The following RELT variants were observed in gnomAD, a reference collection of about 807,000 sequenced individuals.
RELT encodes RELT TNF receptor.
In RELT, 37 loss-of-function variants were observed where a neutral mutation model predicts 51.1. The ratio of observed to expected loss-of-function variants is 0.72; its 90% CI spans 0.56 to 0.95. RELT has a LOEUF of 0.95. RELT is among the 40% of genes least tolerant of loss of function. RELT has a pLI of 0.00. For synonymous variants in RELT, 241 were observed against 235.7 expected, an observed-to-expected ratio of 1.02 and a Z score of -0.21; for missense variants, 535 against 572.6, an observed-to-expected ratio of 0.93 and a Z score of 0.67.
intron 1 of RELT, among the ~76,000 whole-genome samples, chr11:73,378,435 T>C (rs1443327859): frequency 6.6e-6 from 1 of 152,230 alleles, no homozygotes; most frequent in African/African-American, 2.4e-5. Flanking sequence ...ATGTAGTGAC[T>C]GTGTTTCAGA....
chr11:73,390,832 G>A lies in RELT; in HGVS notation c.198G>A (p.Gln66=). 1 of 1,612,684 alleles carries A rather than the reference G, an allele frequency of 6.2e-7. No homozygotes were observed. Among genetic ancestry groups the A allele is most frequent in the Non-Finnish European group, 8.5e-7 (1 of 1,179,744 alleles). Residue 66 remains glutamine, a synonymous_variant, in exon 4 of 11, where the codon CAG becomes CAA. Transcript: ENST00000064780. Reference sequence around the variant, plus strand: ...CTGCATGGGGCTCCAGCCCATGCCAGCCCCATGCCCGTTGCAGCCTTTGGA... The same window carrying A: ...CTGCATGGGGCTCCAGCCCATGCCAACCCCATGCCCGTTGCAGCCTTTGGA... ...FSAAWGSSPC[Q]PHARCSLWRR...
intron 1 of RELT, chr11:73,384,646 G>A: frequency 6.6e-6 from 1 of 152,470 alleles, no homozygotes; most frequent in Non-Finnish European, 1.5e-5. Flanking sequence ...TCAGATCTGG[G>A]TTCTGACCCA....
chr11:73,378,299 T>C (rs1430771251), intron 1 of RELT, among the ~76,000 whole-genome samples: 1 of 151,550 alleles, frequency 6.6e-6, no homozygotes, highest in Non-Finnish European at 1.5e-5. Context: ...TTCTGTCTTC[T>C]GCTGTCGTCC....
chr11:73,381,564 G>A (rs1458227005), intron 1 of RELT, among the ~76,000 whole-genome samples: 4 of 152,194 alleles, frequency 2.6e-5, no homozygotes, highest in African/African-American at 9.6e-5. Flanking sequence ...TGACAGGGAG[G>A]CTGGGGAGGC....
In RELT at chr11:73,393,901, G is replaced by A; in HGVS notation, c.690G>A (p.Leu230=). Residue 230 remains leucine, a synonymous_variant, in exon 7 of 11, where the codon TTG becomes TTA. Transcript: ENST00000064780. ...ACACCATTGGGGTCCTGGTGCGCTT[G>A]ATCACAGAGAAGAAAGGTGAGGAGA... ...NEDTIGVLVR[L]ITEKKENAAA... The A allele has an allele frequency of 7.4e-6, 12 of 1,613,992 alleles. No homozygotes were observed. Among genetic ancestry groups the A allele is most frequent in the Non-Finnish European group, 1.0e-5 (12 of 1,179,942 alleles).
intron 6 of RELT, 129 bp downstream of exon 6, chr11:73,392,597 G>A: frequency 7.1e-7 from 1 of 1,413,920 alleles, no homozygotes; most frequent in East Asian, 2.5e-5. Flanking sequence ...GGAGGTGATA[G>A]CTGCAGACTG....
rs958075997 is a variant in RELT at position 73,388,959 on chromosome 11, G to T, written c.-25-153G>T. On this transcript the variant is annotated intron_variant, in intron 1 of 10. Coordinates refer to ENST00000064780, the MANE Select transcript of RELT (RefSeq NM_152222.2). The surrounding 1 kb of genome is among the most constrained non-coding windows in gnomAD (Gnocchi z 4.1). ...GCCCCCTCTGCTTGGGCCTGTGCTT[G>T]CGGGTGTGGAGCCGGCCTCCCCGGG... is the stretch of plus-strand genomic sequence containing the variant. 2.6e-5 allele frequency among the ~76,000 whole-genome samples: 4 copies of T among 152,172 alleles called. No individual in the cohort carries two copies. The highest frequency in any genetic ancestry group is 4.4e-5 in the Non-Finnish European group (3 of 68,020).
chr11:73,391,102 G>A lies in RELT; in HGVS notation c.288-42G>A, dbSNP rs761555622. On this transcript the variant is annotated intron_variant, in intron 4 of 10. Transcript: ENST00000064780. The stretch of plus-strand genomic sequence containing the variant: ...CCAGCCTCTCCTAAGGATAGTGTTT[G>A]GGGAAACTTCTGGGCCTCAGTGGTA... The A allele has an allele frequency of 2.4e-5, 38 of 1,595,260 alleles. No individual in the cohort carries two copies. In the South Asian group the frequency reaches 3.1e-4, roughly 13 times the overall value.
chr11:73,390,945 G>A (rs1255263007), intron 4 of RELT, 24 bp downstream of exon 4: 8 of 1,606,322 alleles, frequency 5.0e-6, no homozygotes, highest in African/African-American at 1.3e-5. Flanking sequence ...AGTGCGGGGA[G>A]GGCTCCTGGC....
At position 73,389,193 on chromosome 11, in the gene RELT, A is replaced by G; in HGVS notation, c.45+12A>G. 1 of 1,538,308 alleles carries G rather than the reference A, an allele frequency of 6.5e-7. No individual in the cohort carries two copies. The highest frequency in any genetic ancestry group is 8.8e-7 in the Non-Finnish European group (1 of 1,140,256). On this transcript the variant is annotated intron_variant, in intron 2 of 10. Coordinates refer to ENST00000064780, the MANE Select transcript of RELT (RefSeq NM_152222.2). ...CCTGCTTCCTTATGGTGAGCTGGGG[A>G]TGGGCCCTGGGAAGGAGAAAAGCCG...
rs749740493 is a variant in RELT at position 73,394,214 on chromosome 11, G to T, written c.707-22G>T. On this transcript the variant is annotated intron_variant, in intron 7 of 10. Transcript: ENST00000064780. This position sits in a 1 kb window ranked among gnomAD's most constrained non-coding sequence, Gnocchi z 4.9. ...TGTGTCCCATATGGCCACAGTGAGG[G>T]TCTGACTGCAGCTACCCACAGAGAA... 5 of 1,582,946 alleles carry T rather than the reference G, an allele frequency of 3.2e-6. No homozygotes were observed. Among genetic ancestry groups the T allele is most frequent in the Non-Finnish European group, 4.3e-6 (5 of 1,164,500 alleles).
intron 6 of RELT, 127 bp downstream of exon 6, chr11:73,392,595 T>C (rs944409729): frequency 2.7e-5 from 39 of 1,420,684 alleles, no homozygotes; most frequent in African/African-American, 4.2e-5. Context: ...TGGGAGGTGA[T>C]AGCTGCAGAC....
intron 1 of RELT, among the ~76,000 whole-genome samples, chr11:73,380,365 G>C (rs892138782): frequency 3.9e-5 from 6 of 152,156 alleles, no homozygotes; most frequent in African/African-American, 1.4e-4. Flanking sequence ...TGTGGGTAGG[G>C]GGCAAGTGTA....
In RELT at chr11:73,390,638, C is replaced by G. The variant is rs758046455; in HGVS notation, c.120+13C>G. 1.6e-5 allele frequency: 26 copies of G among 1,613,240 alleles called. No homozygotes were observed. In the Admixed American group the frequency reaches 4.2e-4, roughly 26 times the overall value. ...GGAGCCCGACCTGGTGAGCATTGCCCTGCTCTCCTGCCTGTCCTGGGAGGG... is the reference window on the plus strand; with the variant it reads ...GGAGCCCGACCTGGTGAGCATTGCCGTGCTCTCCTGCCTGTCCTGGGAGGG... On this transcript the variant is annotated intron_variant, in intron 3 of 10. Coordinates refer to ENST00000064780, the MANE Select transcript of RELT (RefSeq NM_152222.2).
Position 73,392,402 on chromosome 11 carries a change from A to C in RELT, c.559A>C (p.Lys187Gln). Residue 187 changes from lysine (K) to glutamine (Q), a missense_variant, in exon 6 of 11, where the codon AAG becomes CAG. By Grantham distance (53) the Lys-to-Gln change is moderately conservative. Coordinates refer to ENST00000064780, the MANE Select transcript of RELT (RefSeq NM_152222.2). ...GGGCATCCTGGTGTGCAACCTCCTC[A>C]AGCGGAAGGGCTACCACTGCACGGC... ...LLGILVCNLL[K>Q]RKGYHCTAHK... The C allele has an allele frequency of 1.2e-6, 2 of 1,613,716 alleles. No homozygotes were observed. Among genetic ancestry groups the C allele is most frequent in the Non-Finnish European group, 1.7e-6 (2 of 1,179,920 alleles).
intron 1 of RELT, among the ~76,000 whole-genome samples, chr11:73,385,242 G>T (rs934650491): frequency 1.3e-5 from 2 of 152,164 alleles, no homozygotes; most frequent in African/African-American, 4.8e-5. Context: ...GGCGTGGCAG[G>T]GCCCGGGTGA....
intron 1 of RELT, among the ~76,000 whole-genome samples, chr11:73,386,855 C>T (rs994940855): frequency 1.3e-5 from 2 of 152,060 alleles, no homozygotes; most frequent in Non-Finnish European, 2.9e-5. Context: ...TTCACCCCCG[C>T]ATCAGCCCTC....
Position 73,392,426 on chromosome 11 carries a change from G to A in RELT, c.583G>A (p.Ala195Thr), listed in dbSNP as rs1480613347. 8.7e-6 allele frequency: 14 copies of A among 1,613,480 alleles called. No individual in the cohort carries two copies. In the African/African-American group the frequency reaches 1.6e-4, roughly 18 times the overall value. ...CAAGCGGAAGGGCTACCACTGCACG[G>A]CGCACAAGGAGGTCGGGCCCGGCCC... Reference protein sequence around the residue: ...LLKRKGYHCTAHKEVGPGPGG... With the variant: ...LLKRKGYHCTTHKEVGPGPGG... Residue 195 changes from alanine (A) to threonine (T), a missense_variant, in exon 6 of 11, where the codon GCG (alanine) becomes ACG (threonine). Physicochemically the swap from Ala to Thr is moderately conservative, Grantham distance 58. Transcript: ENST00000064780.
chr11:73,394,109 GA>G lies in RELT; in HGVS notation c.707-123del. The G allele has an allele frequency of 9.8e-6, 10 of 1,023,020 alleles. No individual in the cohort carries two copies. Among genetic ancestry groups the G allele is most frequent in the Non-Finnish European group, 1.3e-5 (9 of 680,392 alleles). The allele number at this position is 1,023,020 out of a possible 1,614,324, so 63.4% of individuals were successfully genotyped here. On this transcript the variant is annotated intron_variant, in intron 7 of 10. Transcript: ENST00000064780. This position sits in a 1 kb window ranked among gnomAD's most constrained non-coding sequence, Gnocchi z 4.9. ...CCATTCTTGCCTGATGAAGTGGGAGGAAAAGGCGCACAGCCCAGGCTGGGAG... is the reference window on the plus strand; with the variant it reads ...CCATTCTTGCCTGATGAAGTGGGAGGAAAGGCGCACAGCCCAGGCTGGGAG...
Sources: gnomAD v4.1 joint callset for allele counts (sites outside exome capture counted in the v4.1 genomes callset) on GRCh38, gnomAD v4.1.1 for gene constraint, Gnocchi (gnomAD v3.1) non-coding constraint, MANE v1.5 for transcripts, NCBI Gene and HGNC (gene_info 2026-07-23, HGNC 2026-07-21) for gene names.